Variants in ANKRD16 observed in about 807,000 individuals in gnomAD.
ANKRD16 encodes ankyrin repeat domain 16.
In ANKRD16, 35 loss-of-function variants were observed where a neutral mutation model predicts 37.9. The ratio of observed to expected loss-of-function variants is 0.92; its 90% CI spans 0.71 to 1.23. The LOEUF (loss-of-function observed/expected upper bound fraction) is 1.23. ANKRD16 is among the 50% of genes most tolerant of loss of function. The pLI, the probability that ANKRD16 is intolerant of heterozygous loss-of-function variation, is 0.00. For missense variants in ANKRD16, 480 were observed against 469.9 expected, an observed-to-expected ratio of 1.02 and a Z score of -0.20; for synonymous variants, 206 against 197.2, an observed-to-expected ratio of 1.04 and a Z score of -0.37.
chr10:5,885,193 T>A (rs573331494), intron 3 of ANKRD16, among the ~76,000 whole-genome samples: 33 of 152,294 alleles, frequency 2.2e-4, no homozygotes, highest in Admixed American at 3.9e-4. Context: ...TTATTTATTT[T>A]TTTTTGAGAC....
chr10:5,872,210 G>A (rs1842101086), intron 7 of ANKRD16, among the ~76,000 whole-genome samples: 1 of 152,128 alleles, frequency 6.6e-6, no homozygotes, highest in Admixed American at 6.5e-5. Context: ...CAAGTGTGGT[G>A]GCTCACACCT....
At chr10:5,879,295 G>A (rs1842242767) in intron 6 of ANKRD16, among the ~76,000 whole-genome samples, 1 of 152,128 alleles carries the variant, frequency 6.6e-6, no homozygotes, top group South Asian at 2.1e-4. Context: ...CCAACATGGT[G>A]AAACCCTGTC....
chr10:5,862,771 C>G lies in ANKRD16; in HGVS notation c.*34-80G>C. ...GAGGGCAAGCAGCTAGCACAAGGTC[C>G]CACAGCTGGACTCAGGGCTGCTGGC... On this transcript the variant is annotated intron_variant, in intron 7 of 7. Coordinates refer to ENST00000380094, the MANE Select transcript of ANKRD16 (RefSeq NM_019046.3). This position sits in a 1 kb window ranked among gnomAD's most constrained non-coding sequence, Gnocchi z 6.5. 9.8e-7 allele frequency: 1 copy of G among 1,017,618 alleles called. No individual in the cohort carries two copies. The highest frequency in any genetic ancestry group is 1.3e-5 in the South Asian group (1 of 75,698). The allele number at this position is 1,017,618 out of a possible 1,614,324, so 63.0% of individuals were successfully genotyped here. A position where few individuals can be genotyped will look rare whatever the true frequency, so the allele number is the denominator to read the frequency against.
At position 5,861,894 on chromosome 10, in the gene ANKRD16, A is replaced by ATTT. The variant is rs1841946302; in HGVS notation, c.*830_*831insAAA. ...CTCACAGACTGGGCAGGCCCCAGGA[A>ATTT]TTCTTTTTTTTTTTTTTTTTTTTTG... On this transcript the variant is annotated 3_prime_UTR_variant, in exon 8 of 8. Transcript: ENST00000380094. 2.4e-5 allele frequency: 3 copies of ATTT among 124,748 alleles called. No individual in the cohort carries two copies. Among genetic ancestry groups the ATTT allele is most frequent in the African/African-American group, 6.1e-5 (2 of 32,966 alleles). The allele number at this position is 124,748 out of a possible 1,614,324, so 7.7% of individuals were successfully genotyped here.
rs1842055243 is a variant in ANKRD16, at chr10:5,869,188, C to A, written c.*34-6497G>T. ...CCAAGGGAGACAAAAGATTAGATAC[C>A]CTGCTTTTGGAGGCGAGGGATGTGT... On this transcript the variant is annotated intron_variant, in intron 7 of 7. Transcript: ENST00000380094. The surrounding 1 kb of genome is among the most constrained non-coding windows in gnomAD (Gnocchi z 4.0). 6.6e-6 allele frequency among the ~76,000 whole-genome samples: 1 copy of A among 152,024 alleles called. No homozygotes were observed. The highest frequency in any genetic ancestry group is 2.4e-5 in the African/African-American group (1 of 41,358).
In ANKRD16 at chr10:5,869,697, T is replaced by C. The variant is rs1842059746; in HGVS notation, c.*34-7006A>G. Among the ~76,000 whole-genome samples the C allele has an allele frequency of 7.6e-6, 1 of 132,412 alleles. No homozygotes were observed. Among genetic ancestry groups the C allele is most frequent in the Admixed American group, 9.3e-5 (1 of 10,780 alleles). 86.9% of individuals were successfully genotyped at this position (132,412 alleles called of 152,430 possible). A position where few individuals can be genotyped will look rare whatever the true frequency, so the allele number is the denominator to read the frequency against. ...GGGTGAACGCGAGTATTTCTCCTCA[T>C]GCACAAGAAGCTACTCAATGCAGCA... On this transcript the variant is annotated intron_variant, in intron 7 of 7. Transcript: ENST00000380094. This position sits in a 1 kb window ranked among gnomAD's most constrained non-coding sequence, Gnocchi z 4.0.
chr10:5,880,363 C>A lies in ANKRD16; in HGVS notation c.863G>T (p.Ser288Ile), dbSNP rs2131771376. The change falls in exon 6 of 8, where the codon AGT becomes ATT. Residue 288 changes from serine to isoleucine, a missense_variant. By Grantham distance (142) the Ser-to-Ile change is moderately radical. Coordinates refer to ENST00000380094, the MANE Select transcript of ANKRD16 (RefSeq NM_019046.3). ...LHYAAKEGHT[S>I]TIQTLLSLGA... ...CAAGGATAAGAGAGTCTGAATTGTA[C>A]TTGTATGTCCTTCCTGAATTGAAAC... 1 of 1,597,194 alleles carries A rather than the reference C, an allele frequency of 6.3e-7. No individual in the cohort carries two copies.
In ANKRD16 at chr10:5,889,879, C is replaced by T. The variant is rs1842589293; in HGVS notation, c.-525G>A. 6.2e-6 allele frequency: 1 copy of T among 161,094 alleles called. No individual in the cohort carries two copies. The highest frequency in any genetic ancestry group is 2.4e-5 in the African/African-American group (1 of 41,858). 10.0% of individuals were successfully genotyped at this position (161,094 alleles called of 1,614,324 possible). A position where few individuals can be genotyped will look rare whatever the true frequency, so the allele number is the denominator to read the frequency against. ...CAAGCGTGACCTGCCCCGCACGCGT[C>T]CTCAGGGCCGCCCCAGCCTCCAGCC... On this transcript the variant is annotated 5_prime_UTR_variant, in exon 1 of 8. Transcript: ENST00000380094.
intron 4 of ANKRD16, 51 bp downstream of exon 4, chr10:5,883,918 C>A (rs1842364832): frequency 1.3e-6 from 2 of 1,549,878 alleles, no homozygotes; most frequent in Admixed American, 1.7e-5. Context: ...AACCTGTGAC[C>A]TAAAATTTAT....
rs760176810 is a variant in ANKRD16 at position 5,884,093 on chromosome 10, CAAGT to C, written c.579-20_579-17del. The C allele has an allele frequency of 5.0e-5, 80 of 1,606,082 alleles. No homozygotes were observed. The highest frequency in any genetic ancestry group is 6.7e-5 in the Non-Finnish European group (79 of 1,174,176). ...ATATTGGCACCTAGAGCCAAAACCCCAAGTAAGAGCTGAGAAAATTCAATACCTC... is the reference window on the plus strand; with the variant it reads ...ATATTGGCACCTAGAGCCAAAACCCCAAGAGCTGAGAAAATTCAATACCTC... On this transcript the variant is annotated splice_polypyrimidine_tract_variant and intron_variant, in intron 3 of 7. Coordinates refer to ENST00000380094, the MANE Select transcript of ANKRD16 (RefSeq NM_019046.3).
In ANKRD16 at chr10:5,864,355, T is replaced by C. The variant is rs1052772219; in HGVS notation, c.*34-1664A>G. On this transcript the variant is annotated intron_variant, in intron 7 of 7. Coordinates refer to ENST00000380094, the MANE Select transcript of ANKRD16 (RefSeq NM_019046.3). This position sits in a 1 kb window ranked among gnomAD's most constrained non-coding sequence, Gnocchi z 4.4. ...CACAACCTCCCCCCCACCCCTGCTA[T>C]CGGTTATGTCCTTTTCAAGCTGTAT... Among the ~76,000 whole-genome samples, 4 of 151,900 alleles carry C rather than the reference T, an allele frequency of 2.6e-5. No individual in the cohort carries two copies. The highest frequency in any genetic ancestry group is 9.7e-5 in the African/African-American group (4 of 41,300).
At chr10:5,882,609 A>G (rs924957801) in intron 5 of ANKRD16, 1 of 156,434 alleles carries the variant, frequency 6.4e-6, no homozygotes, top group Non-Finnish European at 1.4e-5. Context: ...CTTATCTTCA[A>G]TATACCCCAG....
chr10:5,885,207 G>C (rs1261811017), intron 3 of ANKRD16, among the ~76,000 whole-genome samples: 1 of 151,996 alleles, frequency 6.6e-6, no homozygotes, highest in Non-Finnish European at 1.5e-5. Context: ...TTGAGACAGA[G>C]TCTTGCTCTG....
At chr10:5,889,017 G>A in intron 1 of ANKRD16, 24 bp downstream of exon 1, 1 of 1,492,948 alleles carries the variant, frequency 6.7e-7, no homozygotes, top group Non-Finnish European at 8.9e-7. Context: ...GGGGAGGCGG[G>A]GTGTCTTTCC....
chr10:5,878,259 G>C lies in ANKRD16; in HGVS notation c.957C>G (p.His319Gln), dbSNP rs1301783598. 3 of 1,614,042 alleles carry C rather than the reference G, an allele frequency of 1.9e-6. No individual in the cohort carries two copies. Among genetic ancestry groups the C allele is most frequent in the Non-Finnish European group, 2.5e-6 (3 of 1,180,010 alleles). ...SALHLACAGQ[H>Q]LACAKFLLQS... ...GCAGGAGAAACTTGGCACAGGCCAA[G>C]TGCTGACCTGCACAGGCCAGATGCA... The change falls in exon 7 of 8, where the codon CAC becomes CAG. Residue 319 changes from histidine to glutamine, a missense_variant. By Grantham distance (24) the His-to-Gln change is conservative. Coordinates refer to ENST00000380094, the MANE Select transcript of ANKRD16 (RefSeq NM_019046.3). This position sits in a 1 kb window ranked among gnomAD's most constrained non-coding sequence, Gnocchi z 5.1.
rs748970268 is a variant in ANKRD16, at chr10:5,878,206, A to G, written c.1010T>C (p.Ile337Thr). Residue 337 changes from isoleucine to threonine, a missense_variant, in exon 7 of 8, where the codon ATC becomes ACC. Physicochemically the swap from Ile to Thr is moderately conservative, Grantham distance 89. Coordinates refer to ENST00000380094, the MANE Select transcript of ANKRD16 (RefSeq NM_019046.3). This position sits in a 1 kb window ranked among gnomAD's most constrained non-coding sequence, Gnocchi z 5.1. ...LQSGLKDSEDITGTLAQQLPR... is the reference protein window; with the variant it reads ...LQSGLKDSEDTTGTLAQQLPR... ...GAGCTGCTGAGCCAGGGTGCCCGTGATGTCTTCAGAATCCTTCAGTCCCGA... is the reference window on the plus strand; with the variant it reads ...GAGCTGCTGAGCCAGGGTGCCCGTGGTGTCTTCAGAATCCTTCAGTCCCGA... 4 of 1,614,172 alleles carry G rather than the reference A, an allele frequency of 2.5e-6. No individual in the cohort carries two copies. Among genetic ancestry groups the G allele is most frequent in the Non-Finnish European group, 3.4e-6 (4 of 1,180,028 alleles).
At chr10:5,887,707 C>CCCCCCCCA in intron 2 of ANKRD16, 140 bp downstream of exon 2, 1 of 191,100 alleles carries the variant, frequency 5.2e-6, no homozygotes. Flanking sequence ...CCCCTCCCCC[C>CCCCCCCCA]CAGATGTTCT....
In ANKRD16 at chr10:5,861,742, A is replaced by T. The variant is rs1237307396; in HGVS notation, c.*983T>A. The T allele has an allele frequency of 6.7e-6, 1 of 149,140 alleles. No homozygotes were observed. The highest frequency in any genetic ancestry group is 2.6e-5 in the African/African-American group (1 of 38,860). The allele number at this position is 149,140 out of a possible 1,614,324, so 9.2% of individuals were successfully genotyped here. On this transcript the variant is annotated 3_prime_UTR_variant, in exon 8 of 8. Coordinates refer to ENST00000380094, the MANE Select transcript of ANKRD16 (RefSeq NM_019046.3). ...GACACGGTGTTAAGTGGCTTAGATG[A>T]AATGTCTTTTTTTTTTTTGGTTATC...
Position 5,889,499 on chromosome 10 carries a change from C to T in ANKRD16, c.-145G>A, listed in dbSNP as rs897578189. ...CCGAACCCGGCAGAACCGCCCCTCA[C>T]GCCCCCGGCTTTGTCCCCGGCAGAG... On this transcript the variant is annotated 5_prime_UTR_variant, in exon 1 of 8. It adds an upstream start codon to the 5' untranslated region. Coordinates refer to ENST00000380094, the MANE Select transcript of ANKRD16 (RefSeq NM_019046.3). The T allele has an allele frequency of 4.2e-6, 2 of 480,156 alleles. No individual in the cohort carries two copies. The highest frequency in any genetic ancestry group is 5.9e-6 in the Non-Finnish European group (2 of 336,302). 29.7% of individuals were successfully genotyped at this position (480,156 alleles called of 1,614,324 possible).
Sources: gnomAD v4.1 joint callset for allele counts (sites outside exome capture counted in the v4.1 genomes callset) on GRCh38, gnomAD v4.1.1 for gene constraint, Gnocchi (gnomAD v3.1) non-coding constraint, MANE v1.5 for transcripts, NCBI Gene and HGNC (gene_info 2026-07-23, HGNC 2026-07-21) for gene names.